Variants in PLA2G4A observed in about 807,000 individuals in gnomAD.
PLA2G4A encodes the protein cytosolic phospholipase A2.
In PLA2G4A, 40 loss-of-function variants were observed where a neutral mutation model predicts 81.9. The ratio of observed to expected loss-of-function variants is 0.49; its 90% CI spans 0.38 to 0.64. The LOEUF is 0.64. Ranked by LOEUF, PLA2G4A falls within the 30% of genes least tolerant of loss-of-function variation. The pLI, the probability that PLA2G4A is intolerant of heterozygous loss-of-function variation, is 0.00. For missense variants in PLA2G4A, 715 were observed against 905.1 expected (o/e 0.79, Z 2.69); for synonymous variants, 302 against 296.9 (o/e 1.02, Z -0.18).
chr1:186,988,134 T>C (rs1232486054), intron 17 of PLA2G4A, among the ~76,000 whole-genome samples: 3 of 152,208 alleles, frequency 2.0e-5, no homozygotes, highest in African/African-American at 7.2e-5. Flanking sequence ...GCATAAAATC[T>C]AGAACATTTC....
chr1:186,973,621 C>T (rs1406340487), intron 15 of PLA2G4A, among the ~76,000 whole-genome samples: 2 of 152,108 alleles, frequency 1.3e-5, no homozygotes, highest in East Asian at 1.9e-4. Context: ...TTTCCCTTTA[C>T]GTATTTTGTG....
At chr1:186,884,251 TC>T in intron 3 of PLA2G4A, among the ~76,000 whole-genome samples, 1 of 148,784 alleles carries the variant, frequency 6.7e-6, no homozygotes, top group Non-Finnish European at 1.5e-5. Flanking sequence ...CATCTAATCC[TC>T]CCCCTTTTTT....
intron 14 of PLA2G4A, among the ~76,000 whole-genome samples, chr1:186,961,988 C>A (rs1055697342): frequency 6.6e-6 from 1 of 152,152 alleles, no homozygotes; most frequent in African/African-American, 2.4e-5. Flanking sequence ...AACTCTCATG[C>A]CTTTCCTCCT....
chr1:186,901,576 TAGAC>T (rs1221569730), intron 5 of PLA2G4A, among the ~76,000 whole-genome samples: 5 of 152,166 alleles, frequency 3.3e-5, no homozygotes, highest in African/African-American at 9.7e-5. Context: ...AGAGAAAAGT[TAGAC>T]AGTCTGAGAA....
chr1:186,849,686 A>G (rs1652306832), intron 1 of PLA2G4A, among the ~76,000 whole-genome samples: 1 of 152,026 alleles, frequency 6.6e-6, no homozygotes, highest in Non-Finnish European at 1.5e-5. Context: ...CTCACCCTCA[A>G]TTATTCTTTG....
intron 5 of PLA2G4A, among the ~76,000 whole-genome samples, chr1:186,900,642 T>C (rs982728574): frequency 1.3e-5 from 2 of 152,182 alleles, no homozygotes; most frequent in Non-Finnish European, 2.9e-5. Context: ...AGTGGGAAGG[T>C]CTAGAATCTT....
chr1:186,888,976 T>G (rs917435207), intron 3 of PLA2G4A, among the ~76,000 whole-genome samples: 1 of 152,234 alleles, frequency 6.6e-6, no homozygotes, highest in African/African-American at 2.4e-5. Context: ...TTTTTCTTGA[T>G]AATTTTCTAC....
At position 186,902,761 on chromosome 1, in the gene PLA2G4A, C is replaced by T. The variant is rs1654590452; in HGVS notation, c.379-4204C>T. ...AACAATCCTCTTTAACTGTAATTTT[C>T]TACTACCTACCCAAATCCTATAAAA... On this transcript the variant is annotated intron_variant, in intron 5 of 17. Transcript: ENST00000367466. Among the ~76,000 whole-genome samples, 3 of 151,796 alleles carry T rather than the reference C, an allele frequency of 2.0e-5. No homozygotes were observed. In the South Asian group the frequency reaches 6.2e-4, roughly 32 times the overall value.
intron 5 of PLA2G4A, among the ~76,000 whole-genome samples, chr1:186,904,365 C>CCATGTGTGGGA (rs1159169997): frequency 2.0e-5 from 3 of 152,202 alleles, no homozygotes; most frequent in Non-Finnish European, 4.4e-5. Context: ...GCCTGTAATG[C>CCATGTGTGGGA]AGAGATGCTT....
chr1:186,909,429 AGTGGGTTGATTACCCGAG>A (rs999924815), intron 6 of PLA2G4A, among the ~76,000 whole-genome samples: 3 of 151,266 alleles, frequency 2.0e-5, no homozygotes, highest in African/African-American at 7.3e-5. Context: ...GGGAGGCTGA[AGTGGGTTGATTACCCGAG>A]GTCAGGAGTT....
chr1:186,954,755 T>C (rs1656688293), intron 13 of PLA2G4A, among the ~76,000 whole-genome samples: 1 of 151,848 alleles, frequency 6.6e-6, no homozygotes, highest in Admixed American at 6.6e-5. Context: ...ATATACAGGG[T>C]TCCTAGAAAT....
At chr1:186,850,712 A>AATAACTACC (rs1244570822) in intron 1 of PLA2G4A, among the ~76,000 whole-genome samples, 1 of 152,070 alleles carries the variant, frequency 6.6e-6, no homozygotes, top group Non-Finnish European at 1.5e-5. Context: ...CTTTGGTGAG[A>AATAACTACC]ATAACTACCA....
intron 1 of PLA2G4A, among the ~76,000 whole-genome samples, chr1:186,844,277 G>C (rs78024074): frequency 4.6e-5 from 7 of 152,184 alleles, no homozygotes; most frequent in Non-Finnish European, 1.0e-4. Context: ...ATTCCTTTGT[G>C]CCGGTTGGCA....
At chr1:186,934,830 T>C (rs1655883017) in intron 8 of PLA2G4A, among the ~76,000 whole-genome samples, 1 of 151,964 alleles carries the variant, frequency 6.6e-6, no homozygotes, top group African/African-American at 2.4e-5. Context: ...TATTTCATCC[T>C]CTCTGATTGG....
intron 6 of PLA2G4A, among the ~76,000 whole-genome samples, chr1:186,907,594 ATGAGTTCCCTTAACCTCTC>A (rs1214734400): frequency 6.6e-6 from 1 of 152,192 alleles, no homozygotes; most frequent in Non-Finnish European, 1.5e-5. Flanking sequence ...TGATGTAATA[ATGAGTTCCCTTAACCTCTC>A]TGCATCTCTT....
chr1:186,916,065 G>A (rs1260810280), intron 7 of PLA2G4A, among the ~76,000 whole-genome samples: 5 of 152,068 alleles, frequency 3.3e-5, no homozygotes, highest in South Asian at 2.1e-4. Context: ...CTACACACTC[G>A]GCTAGTTGCA....
intron 1 of PLA2G4A, among the ~76,000 whole-genome samples, chr1:186,837,883 T>C (rs1166120934): frequency 6.6e-6 from 1 of 151,978 alleles, no homozygotes. Flanking sequence ...TGGTGCCAGG[T>C]CTGTAACAGT....
chr1:186,902,647 C>A (rs141774174), intron 5 of PLA2G4A, among the ~76,000 whole-genome samples: 1 of 152,028 alleles, frequency 6.6e-6, no homozygotes, highest in Non-Finnish European at 1.5e-5. Context: ...TAACTGATGA[C>A]CTTACCTTGT....
In PLA2G4A at chr1:186,894,147, C is replaced by T. The variant is rs957764446; in HGVS notation, c.314C>T (p.Ala105Val). 2 of 1,528,942 alleles carry T rather than the reference C, an allele frequency of 1.3e-6. No homozygotes were observed. Among genetic ancestry groups the T allele is most frequent in the Non-Finnish European group, 1.8e-6 (2 of 1,102,442 alleles). The allele number at this position is 1,528,942 out of a possible 1,614,324, so 94.7% of individuals were successfully genotyped here. A position where few individuals can be genotyped will look rare whatever the true frequency, so the allele number is the denominator to read the frequency against. Reference protein sequence around the residue: ...NYVMDETLGTATFTVSSMKVG... With the variant: ...NYVMDETLGTVTFTVSSMKVG... ...GTCATGGATGAAACTCTAGGGACAG[C>T]AACATTTACTGTATCTTCTATGAAG... Residue 105 changes from alanine (A) to valine (V), a missense_variant, in exon 5 of 18, where the codon GCA becomes GTA. Ala to Val is a moderately conservative substitution (Grantham distance 64, BLOSUM62 0). Transcript: ENST00000367466.
Sources: allele counts gnomAD v4.1 joint callset (sites outside exome capture counted in the v4.1 genomes callset), GRCh38; gene constraint gnomAD v4.1.1; transcripts MANE v1.5; gene names NCBI Gene and HGNC (gene_info 2026-07-23, HGNC 2026-07-21).